The following TGS1 variants were observed in gnomAD, a reference collection of about 807,000 sequenced individuals.
The protein encoded by TGS1 is trimethylguanosine synthase 1.
In TGS1, 69 loss-of-function variants were observed where a neutral mutation model predicts 92.2. The observed-to-expected ratio is 0.75, with a 90% CI of 0.62 to 0.91. The LOEUF is 0.91. Ranked by LOEUF, TGS1 falls within the 40% of genes least tolerant of loss-of-function variation. The pLI is 0.00. For missense variants in TGS1, 1,062 were observed against 1,001.2 expected, an observed-to-expected ratio of 1.06 and a Z score of -0.82; for synonymous variants, 345 against 338.1, an observed-to-expected ratio of 1.02 and a Z score of -0.22.
intron 12 of TGS1, among the ~76,000 whole-genome samples, chr8:55,821,055 A>G (rs944118659): frequency 6.6e-6 from 1 of 152,232 alleles, no homozygotes; most frequent in Non-Finnish European, 1.5e-5. Flanking sequence ...AACTTTTAAC[A>G]TATATGTAGT....
At chr8:55,813,774 A>T (rs1408410424) in intron 12 of TGS1, among the ~76,000 whole-genome samples, 1 of 151,840 alleles carries the variant, frequency 6.6e-6, no homozygotes, top group African/African-American at 2.4e-5. Context: ...AGTCTTTCCT[A>T]TCTATATTTT....
intron 8 of TGS1, among the ~76,000 whole-genome samples, chr8:55,802,022 G>A (rs144847628): frequency 0.013 from 2,038 of 152,168 alleles, 40 homozygotes; most frequent in African/African-American, 0.047. Context: ...GTGAAACCCC[G>A]TCTCTACTAA....
At chr8:55,773,814 G>A in intron 1 of TGS1, 95 bp downstream of exon 1, 1 of 1,009,952 alleles carries the variant, frequency 9.9e-7, no homozygotes, top group Non-Finnish European at 1.5e-6. Flanking sequence ...CCTGAAAGCA[G>A]CCAGAACATC....
At chr8:55,816,448 CTGTT>C (rs1309099990) in intron 12 of TGS1, among the ~76,000 whole-genome samples, 1 of 152,136 alleles carries the variant, frequency 6.6e-6, no homozygotes, top group Non-Finnish European at 1.5e-5. Context: ...GTCTGCTGGT[CTGTT>C]TGATATGGCA....
At chr8:55,788,562 T>C (rs1811785225) in intron 4 of TGS1, among the ~76,000 whole-genome samples, 1 of 150,768 alleles carries the variant, frequency 6.6e-6, no homozygotes, top group Non-Finnish European at 1.5e-5. Context: ...CTCAAGCAAT[T>C]CTCCAGCCTC....
chr8:55,813,195 C>A, intron 12 of TGS1, 77 bp downstream of exon 12: 1 of 1,015,612 alleles, frequency 9.8e-7, no homozygotes, highest in Non-Finnish European at 1.5e-6. Context: ...AGGACATATC[C>A]TTACCAGAGA....
At chr8:55,775,240 G>GA (rs79673849) in intron 1 of TGS1, among the ~76,000 whole-genome samples, 2 of 103,002 alleles carry the variant, frequency 1.9e-5, no homozygotes, top group East Asian at 3.1e-4. Flanking sequence ...ACTCTGTCCC[G>GA]AAAAAAAAAA....
intron 1 of TGS1, among the ~76,000 whole-genome samples, chr8:55,777,677 T>C (rs1194405568): frequency 2.6e-5 from 4 of 151,978 alleles, no homozygotes; most frequent in African/African-American, 9.6e-5. Flanking sequence ...GTAGCTGGGA[T>C]TACAGGAGTG....
intron 1 of TGS1, among the ~76,000 whole-genome samples, chr8:55,781,147 G>T (rs1052917719): frequency 3.3e-5 from 5 of 152,092 alleles, no homozygotes; most frequent in Non-Finnish European, 7.4e-5. Flanking sequence ...TGTTTTACAC[G>T]CATACATGAA....
intron 8 of TGS1, among the ~76,000 whole-genome samples, chr8:55,801,305 C>G (rs1327126957): frequency 2.6e-5 from 4 of 152,224 alleles, no homozygotes; most frequent in Admixed American, 2.6e-4. Context: ...GAGTCTTGCT[C>G]TGTTGCCCAG....
intron 5 of TGS1, among the ~76,000 whole-genome samples, chr8:55,791,284 A>G (rs973696173): frequency 6.6e-6 from 1 of 152,240 alleles, no homozygotes; most frequent in African/African-American, 2.4e-5. Flanking sequence ...AAAGACTCTC[A>G]TGCACTATTT....
chr8:55,806,539 A>T (rs1184805246), intron 10 of TGS1, among the ~76,000 whole-genome samples: 1 of 152,166 alleles, frequency 6.6e-6, no homozygotes, highest in African/African-American at 2.4e-5. Context: ...AACTGTTTAC[A>T]TTATAGGTGA....
At chr8:55,781,980 A>G (rs1811576651) in intron 1 of TGS1, among the ~76,000 whole-genome samples, 1 of 152,122 alleles carries the variant, frequency 6.6e-6, no homozygotes, top group East Asian at 1.9e-4. Flanking sequence ...TACCTTGTCT[A>G]CTGTTCACAA....
rs1185474422 is a variant in TGS1, at chr8:55,785,740, A to G, written c.188A>G (p.Glu63Gly). Reference sequence around the variant, plus strand: ...ATAGGAGACCAGGCGACAGAAGAAGAGGAAGGTGGTTATTCCTGTGGTACT... The same window carrying G: ...ATAGGAGACCAGGCGACAGAAGAAGGGGAAGGTGGTTATTCCTGTGGTACT... ...NNSGDQATEE[E>G]EGGYSCGTAE... The change falls in exon 3 of 13, where the codon GAG becomes GGG. Residue 63 changes from glutamate (E) to glycine (G), a missense_variant. Coordinates refer to ENST00000260129, the MANE Select transcript of TGS1 (RefSeq NM_024831.8). 1.9e-6 allele frequency: 3 copies of G among 1,609,180 alleles called. No homozygotes were observed. In the Admixed American group the frequency reaches 5.1e-5, roughly 27 times the overall value.
chr8:55,821,438 C>A (rs1257414964), intron 12 of TGS1, among the ~76,000 whole-genome samples: 1 of 152,126 alleles, frequency 6.6e-6, no homozygotes, highest in East Asian at 1.9e-4. Context: ...TCTGAGAAAA[C>A]CCCCATCTTA....
In TGS1 at chr8:55,789,423, C is replaced by T. The variant is rs547046400; in HGVS notation, c.1163-759C>T. ...AATCAATGTGATTATGCCCCCTTTACGGTCATTTCAATTAAAATTCCATAA... is the reference window on the plus strand; with the variant it reads ...AATCAATGTGATTATGCCCCCTTTATGGTCATTTCAATTAAAATTCCATAA... On this transcript the variant is annotated intron_variant, in intron 4 of 12. Transcript: ENST00000260129. Among the ~76,000 whole-genome samples, 7 of 152,270 alleles carry T rather than the reference C, an allele frequency of 4.6e-5. No homozygotes were observed. In the South Asian group the frequency reaches 1.5e-3, roughly 32 times the overall value.
chr8:55,777,844 G>A (rs1002194430), intron 1 of TGS1, among the ~76,000 whole-genome samples: 1 of 151,922 alleles, frequency 6.6e-6, no homozygotes, highest in Non-Finnish European at 1.5e-5. Context: ...GATTACTATC[G>A]CAATTATCCT....
intron 8 of TGS1, 136 bp downstream of exon 8, chr8:55,799,356 C>A: frequency 1.2e-6 from 1 of 829,834 alleles, no homozygotes; most frequent in Non-Finnish European, 1.8e-6. Context: ...TGAGAGAAGG[C>A]ATATTAAGTG....
At chr8:55,803,186 T>C (rs1338185454) in intron 9 of TGS1, among the ~76,000 whole-genome samples, 1 of 152,072 alleles carries the variant, frequency 6.6e-6, no homozygotes, top group African/African-American at 2.4e-5. Flanking sequence ...TAATCTGTAT[T>C]TGTAGCACGT....
Sources: allele counts gnomAD v4.1 joint callset (sites outside exome capture counted in the v4.1 genomes callset), GRCh38; gene constraint gnomAD v4.1.1; transcripts MANE v1.5; gene names NCBI Gene and HGNC (gene_info 2026-07-23, HGNC 2026-07-21).